PMM2: variants seen among roughly 807,000 people sequenced by gnomAD.
The protein encoded by PMM2 is mannose-6-phosphate isomerase.
In PMM2, 35 loss-of-function variants were observed where a neutral mutation model predicts 33.2. That is an observed-to-expected ratio of 1.06 (90% CI 0.81 to 1.40). The LOEUF (loss-of-function observed/expected upper bound fraction) is 1.40, where lower values mean the gene tolerates loss of function less well. Among genes scored for constraint, PMM2 ranks in the 40% most tolerant of loss-of-function variants. PMM2 has a pLI of 0.00. For synonymous variants in PMM2, 153 were observed against 114.7 expected (o/e 1.33, Z -2.13); for missense variants, 386 against 306.0 (o/e 1.26, Z -1.95).
intron 7 of PMM2, chr16:8,832,445 A>G: frequency 1.3e-5 from 13 of 984,552 alleles, no homozygotes; most frequent in Non-Finnish European, 1.6e-5. Context: ...TTCCACAGAC[A>G]CCTCCCCACC....
intron 7 of PMM2, among the ~76,000 whole-genome samples, chr16:8,827,449 G>A (rs2060775546): frequency 6.7e-6 from 1 of 149,358 alleles, no homozygotes; most frequent in African/African-American, 2.5e-5. Flanking sequence ...TAGATAGAGT[G>A]CAATGGCATG....
intron 7 of PMM2, among the ~76,000 whole-genome samples, chr16:8,815,052 C>T (rs575019099): frequency 6.6e-6 from 1 of 152,192 alleles, no homozygotes; most frequent in South Asian, 2.1e-4. Flanking sequence ...ACTTTAGCAC[C>T]TTTAGATATC....
chr16:8,806,707 G>A, intron 4 of PMM2: 1 of 443,834 alleles, frequency 2.3e-6, no homozygotes, highest in South Asian at 2.2e-5. Flanking sequence ...ATTGGAAACA[G>A]TCCACAAAGC....
chr16:8,804,908 A>C, intron 3 of PMM2, 65 bp downstream of exon 3: 1 of 965,122 alleles, frequency 1.0e-6, no homozygotes, highest in South Asian at 1.3e-5. Flanking sequence ...GGCATTTCAC[A>C]ATGAATGCCT....
intron 7 of PMM2, among the ~76,000 whole-genome samples, chr16:8,816,843 A>C (rs2060711298): frequency 6.6e-6 from 1 of 152,238 alleles, no homozygotes; most frequent in African/African-American, 2.4e-5. Context: ...AAAACTACAT[A>C]GTGGTTCCTC....
chr16:8,844,936 C>T (rs933691167), intron 7 of PMM2, among the ~76,000 whole-genome samples: 1 of 152,144 alleles, frequency 6.6e-6, no homozygotes, highest in East Asian at 1.9e-4. Flanking sequence ...GACCTGAGGT[C>T]GTAGGTGGAT....
rs2060687125 is a variant in PMM2 at position 8,813,113 on chromosome 16, A to G, written c.639+7A>G. On this transcript the variant is annotated splice_region_variant and intron_variant, in intron 7 of 7. Transcript: ENST00000268261. Reference sequence around the variant, plus strand: ...TGGAGACAAAACTATGCCAGTAAGTAGAGAAGTGTTTGTGCACCTTCATTG... The same window carrying G: ...TGGAGACAAAACTATGCCAGTAAGTGGAGAAGTGTTTGTGCACCTTCATTG... 4 of 1,520,072 alleles carry G rather than the reference A, an allele frequency of 2.6e-6. No individual in the cohort carries two copies. The African/African-American group carries it at 4.1e-5, about 16-fold the overall frequency. The allele number at this position is 1,520,072 out of a possible 1,614,324, so 94.2% of individuals were successfully genotyped here.
intron 6 of PMM2, among the ~76,000 whole-genome samples, chr16:8,812,053 A>G (rs575809343): frequency 6.6e-6 from 1 of 152,340 alleles, no homozygotes; most frequent in African/African-American, 2.4e-5. Context: ...GAGAAGCACT[A>G]TAGTGAACTC....
chr16:8,838,116 G>A (rs868713738), intron 7 of PMM2, among the ~76,000 whole-genome samples: 12 of 152,088 alleles, frequency 7.9e-5, no homozygotes, highest in Non-Finnish European at 1.6e-4. Context: ...TGGGTTTTGG[G>A]ATAGGCGGTG....
At chr16:8,840,621 A>G (rs1403549157) in intron 7 of PMM2, among the ~76,000 whole-genome samples, 2 of 151,970 alleles carry the variant, frequency 1.3e-5, no homozygotes, top group Non-Finnish European at 2.9e-5. Flanking sequence ...TCGAAATACG[A>G]CTGAGTTTAA....
At chr16:8,834,420 A>G (rs2060830362) in intron 7 of PMM2, among the ~76,000 whole-genome samples, 1 of 151,978 alleles carries the variant, frequency 6.6e-6, no homozygotes. Context: ...AGAAGGGAAG[A>G]AATGACTGCG....
At chr16:8,841,861 G>T (rs200241769) in intron 7 of PMM2, among the ~76,000 whole-genome samples, 882 of 117,218 alleles carry the variant, frequency 7.5e-3, no homozygotes, top group Non-Finnish European at 9.8e-3. Context: ...CAAAGAGTGA[G>T]TACAGCTGAA....
At chr16:8,830,678 T>C (rs138286420) in intron 7 of PMM2, among the ~76,000 whole-genome samples, 4 of 152,326 alleles carry the variant, frequency 2.6e-5, no homozygotes, top group African/African-American at 9.6e-5. Context: ...GCGATGTTAT[T>C]CTCAGGAGCA....
rs140677003 is a variant in PMM2, at chr16:8,818,786, C to T, written c.639+5680C>T. 2.7e-3 allele frequency among the ~76,000 whole-genome samples: 413 copies of T among 152,288 alleles called. 2 individuals are homozygous for T. Among genetic ancestry groups the T allele is most frequent in the African/African-American group, 9.2e-3 (382 of 41,562 alleles). On this transcript the variant is annotated intron_variant, in intron 7 of 7. Transcript: ENST00000268261. ...AAACCCTGTCATTCTTCCCATCAGC[C>T]ACAAAAGCCAGTGTTTCTTAAAATC... is the stretch of plus-strand genomic sequence containing the variant.
chr16:8,833,864 A>T (rs2060826959), intron 7 of PMM2, among the ~76,000 whole-genome samples: 1 of 152,046 alleles, frequency 6.6e-6, no homozygotes, highest in African/African-American at 2.4e-5. Flanking sequence ...AAGATTATTT[A>T]TTTACCTCAA....
At chr16:8,806,261 C>A (rs2060647082) in intron 3 of PMM2, 55 bp from the exon 4 acceptor site, 1 of 1,131,306 alleles carries the variant, frequency 8.8e-7, no homozygotes, top group Non-Finnish European at 1.4e-6. Flanking sequence ...TGCTATGAAG[C>A]TGTTTTGAAA....
At position 8,848,144 on chromosome 16, in the gene PMM2, G is replaced by C. The variant is rs1480184782; in HGVS notation, c.*319G>C. The C allele has an allele frequency of 3.0e-6, 1 of 336,320 alleles. No homozygotes were observed. Among genetic ancestry groups the C allele is most frequent in the Non-Finnish European group, 5.7e-6 (1 of 175,442 alleles). 20.8% of individuals were successfully genotyped at this position (336,320 alleles called of 1,614,324 possible). ...TGGCGGAAATTTCCCCATCATTCTA[G>C]GATGATACAGAAAGAAAAACTGTGC... On this transcript the variant is annotated 3_prime_UTR_variant, in exon 8 of 8. Transcript: ENST00000268261.
At chr16:8,812,937 T>C (rs2060685464) in intron 6 of PMM2, 54 bp from the exon 7 acceptor site, 5 of 977,016 alleles carry the variant, frequency 5.1e-6, no homozygotes, top group South Asian at 2.5e-5. Context: ...CAGTGACATA[T>C]CATTAGCCCC....
intron 1 of PMM2, among the ~76,000 whole-genome samples, chr16:8,801,582 G>A (rs1218782150): frequency 6.6e-6 from 1 of 152,104 alleles, no homozygotes; most frequent in Non-Finnish European, 1.5e-5. Flanking sequence ...GAGATAGGAG[G>A]ATCACCGGAG....
Sources: allele counts gnomAD v4.1 joint callset (sites outside exome capture counted in the v4.1 genomes callset), GRCh38; gene constraint gnomAD v4.1.1; transcripts MANE v1.5; gene names NCBI Gene and HGNC (gene_info 2026-07-23, HGNC 2026-07-21).